The following CFAP47 variants were observed in gnomAD, a reference collection of about 807,000 sequenced individuals.
CFAP47 encodes the protein cilia- and flagella-associated protein 47.
A neutral mutation model predicts 148.1 loss-of-function variants in CFAP47; 29 were observed. The ratio of observed to expected loss-of-function variants is 0.20; its 90% CI spans 0.15 to 0.27. CFAP47 has a LOEUF of 0.27. CFAP47 is among the 10% of genes least tolerant of loss of function. The pLI is 1.00. For synonymous variants in CFAP47, 664 were observed against 577.3 expected, an observed-to-expected ratio of 1.15 and a Z score of -2.15; for missense variants, 1,872 against 1,697.5, an observed-to-expected ratio of 1.10 and a Z score of -1.81.
intron 57 of CFAP47, among the ~76,000 whole-genome samples, chrX:36,335,590 T>C (rs1941598707): frequency 9.0e-6 from 1 of 111,485 alleles, no homozygotes; most frequent in Non-Finnish European, 1.9e-5. Context: ...TTTTGGAGGG[T>C]GTAGTGAGTT....
intron 26 of CFAP47, among the ~76,000 whole-genome samples, chrX:36,058,536 C>T (rs774868766): frequency 9.0e-6 from 1 of 111,401 alleles, no homozygotes; most frequent in East Asian, 2.8e-4. Context: ...ACTGACCTCT[C>T]ATTTGAAAGG....
chrX:35,973,453 T>G (rs1190668392), intron 13 of CFAP47, among the ~76,000 whole-genome samples: 1 of 112,099 alleles, frequency 8.9e-6, no homozygotes, highest in Admixed American at 9.5e-5. Flanking sequence ...CCTCCCAAAG[T>G]GCTGGGATTA....
chrX:36,322,893 A>G (rs897252300), intron 57 of CFAP47, among the ~76,000 whole-genome samples: 1 of 111,114 alleles, frequency 9.0e-6, no homozygotes, highest in Non-Finnish European at 1.9e-5. Context: ...TTTACATGCT[A>G]TAATACTAGT....
chrX:36,297,676 C>T (rs1569311407), intron 51 of CFAP47, among the ~76,000 whole-genome samples: 1 of 111,189 alleles, frequency 9.0e-6, no homozygotes, highest in African/African-American at 3.3e-5. Context: ...AGACAATGTA[C>T]CTTGGGGGAA....
intron 33 of CFAP47, among the ~76,000 whole-genome samples, chrX:36,134,847 A>T (rs1939015498): frequency 9.0e-6 from 1 of 111,077 alleles, no homozygotes; most frequent in Non-Finnish European, 1.9e-5. Context: ...TGTATGCAGG[A>T]TACATAAAGA....
chrX:36,313,595 G>A (rs1941411183), intron 56 of CFAP47, among the ~76,000 whole-genome samples: 2 of 111,151 alleles, frequency 1.8e-5, no homozygotes. Flanking sequence ...TTTCATGATA[G>A]GAGTAGGCAA....
At chrX:36,004,134 G>A (rs892709095) in intron 21 of CFAP47, among the ~76,000 whole-genome samples, 6 of 108,122 alleles carry the variant, frequency 5.5e-5, no homozygotes, top group Non-Finnish European at 9.6e-5. Context: ...CACCACACCC[G>A]GCTAATTTTT....
At chrX:36,053,734 T>C (rs1937532793) in intron 26 of CFAP47, among the ~76,000 whole-genome samples, 1 of 112,419 alleles carries the variant, frequency 8.9e-6, no homozygotes. Context: ...AATATAATAC[T>C]GGTGTGTCAT....
At chrX:36,055,107 T>C (rs1937544904) in intron 26 of CFAP47, among the ~76,000 whole-genome samples, 1 of 110,577 alleles carries the variant, frequency 9.0e-6, no homozygotes. Flanking sequence ...TTTTCTTATT[T>C]TTTTTTTTAA....
chrX:36,175,524 A>G (rs1170081872), intron 39 of CFAP47, among the ~76,000 whole-genome samples: 3 of 111,097 alleles, frequency 2.7e-5, no homozygotes, highest in South Asian at 3.8e-4. Flanking sequence ...AACAGACCGG[A>G]CCCTCAGCTG....
chrX:36,366,817 A>C (rs1368449488), intron 61 of CFAP47, 149 bp from the exon 62 acceptor site: 1 of 315,142 alleles, frequency 3.2e-6, no homozygotes, highest in Admixed American at 5.7e-5. Context: ...ATTAAAAGTC[A>C]TTTACATTAT....
chrX:36,225,204 C>T (rs140314186), intron 45 of CFAP47, among the ~76,000 whole-genome samples: 1,450 of 111,679 alleles, frequency 0.013, 22 homozygotes, highest in African/African-American at 0.045. Flanking sequence ...ATTTGTTATG[C>T]CCAAGTCAAG....
Position 35,941,363 on chromosome X carries a change from A to T in CFAP47, c.482A>T (p.Lys161Ile). 8.8e-7 allele frequency: 1 copy of T among 1,138,192 alleles called. No homozygotes were observed. The highest frequency in any genetic ancestry group is 1.2e-6 in the Non-Finnish European group (1 of 850,909). 93.8% of individuals were successfully genotyped at this position (1,138,192 alleles called of 1,213,427 possible). A position where few individuals can be genotyped will look rare whatever the true frequency, so the allele number is the denominator to read the frequency against. Residue 161 changes from lysine (K) to isoleucine (I), a missense_variant, in exon 3 of 64, where the codon AAA becomes ATA. Coordinates refer to ENST00000378653, the MANE Select transcript of CFAP47 (RefSeq NM_001304548.2). The part of the protein sequence containing the change: ...TLVANSKVYS[K>I]EITITNHGKA... ...GTTGCCAATAGTAAAGTATATTCTA[A>T]AGAGATTACTATCACTAACCATGGC...
At chrX:36,356,854 T>G (rs1941790371) in intron 60 of CFAP47, among the ~76,000 whole-genome samples, 1 of 111,991 alleles carries the variant, frequency 8.9e-6, no homozygotes, top group Non-Finnish European at 1.9e-5. Context: ...TCTTCTCTCA[T>G]CTGAGTTTGA....
chrX:36,030,780 C>T (rs1293268256), intron 22 of CFAP47, among the ~76,000 whole-genome samples: 1 of 109,926 alleles, frequency 9.1e-6, no homozygotes, highest in East Asian at 2.8e-4. Context: ...ACAGATACCC[C>T]TTTTCTTAAT....
chrX:36,275,415 CGTGT>C (rs35781816), intron 49 of CFAP47, among the ~76,000 whole-genome samples: 2,325 of 87,630 alleles, frequency 0.027, 48 homozygotes, highest in African/African-American at 0.07. Context: ...GTGAGATCGT[CGTGT>C]GTGTGTGTGT....
chrX:36,247,312 C>T (rs1555997270), intron 48 of CFAP47, among the ~76,000 whole-genome samples: 1 of 110,874 alleles, frequency 9.0e-6, no homozygotes, highest in Non-Finnish European at 1.9e-5. Context: ...TGAAAAGCTA[C>T]CTATTAGGTG....
chrX:36,061,877 A>G (rs189111205), intron 26 of CFAP47, among the ~76,000 whole-genome samples: 9 of 112,218 alleles, frequency 8.0e-5, no homozygotes, highest in African/African-American at 9.7e-5. Flanking sequence ...ACACCAACCC[A>G]GCATCTTTTC....
chrX:36,204,037 C>T (rs782313442), intron 44 of CFAP47, among the ~76,000 whole-genome samples: 6 of 111,632 alleles, frequency 5.4e-5, no homozygotes, highest in African/African-American at 1.6e-4. Context: ...TTTTTGGCTG[C>T]GTAAATGTCT....
Sources: allele counts gnomAD v4.1 joint callset (sites outside exome capture counted in the v4.1 genomes callset), GRCh38; gene constraint gnomAD v4.1.1; transcripts MANE v1.5; gene names NCBI Gene and HGNC (gene_info 2026-07-23, HGNC 2026-07-21).